Variants in ARMH3 observed in about 807,000 individuals in gnomAD.
ARMH3 encodes armadillo like helical domain containing 3.
In ARMH3, 60 loss-of-function variants were observed where a neutral mutation model predicts 99.1. The observed-to-expected ratio is 0.61, with a 90% confidence interval of 0.49 to 0.75. The LOEUF is 0.75. Among genes scored for constraint, ARMH3 ranks in the 30% least tolerant of loss-of-function variants. The pLI, the probability that ARMH3 is intolerant of heterozygous loss-of-function variation, is 0.00. For synonymous variants in ARMH3, 285 were observed against 292.8 expected (o/e 0.97, Z 0.27); for missense variants, 679 against 843.1 (o/e 0.81, Z 2.41).
chr10:101,876,339 G>A (rs1042548475), intron 24 of ARMH3, among the ~76,000 whole-genome samples: 2 of 150,000 alleles, frequency 1.3e-5, no homozygotes, highest in African/African-American at 4.9e-5. Context: ...TGACATCTCT[G>A]TCCTCCCCAC....
chr10:101,971,579 A>G (rs912660744), intron 20 of ARMH3, among the ~76,000 whole-genome samples: 4 of 152,146 alleles, frequency 2.6e-5, no homozygotes, highest in African/African-American at 9.7e-5. Flanking sequence ...AAAATAAAAT[A>G]ATTTACCTAG....
intron 24 of ARMH3, among the ~76,000 whole-genome samples, chr10:101,878,703 T>C (rs1051504423): frequency 4.6e-5 from 7 of 151,838 alleles, no homozygotes; most frequent in African/African-American, 1.7e-4. Context: ...GGCTCATGCC[T>C]GTAATTCCAG....
At chr10:101,967,435 G>A (rs1224952892) in intron 20 of ARMH3, among the ~76,000 whole-genome samples, 3 of 152,144 alleles carry the variant, frequency 2.0e-5, no homozygotes, top group Non-Finnish European at 4.4e-5. Flanking sequence ...ACACCTGCCA[G>A]TAGAATAATT....
At chr10:101,975,081 AAG>A (rs1269689016) in intron 20 of ARMH3, 129 bp downstream of exon 20, 1 of 393,124 alleles carries the variant, frequency 2.5e-6, no homozygotes, top group Non-Finnish European at 4.5e-6. Context: ...AAAAGACAAA[AAG>A]AGTAACTGAA....
At chr10:101,874,623 T>C (rs1412945253) in intron 24 of ARMH3, among the ~76,000 whole-genome samples, 1 of 152,124 alleles carries the variant, frequency 6.6e-6, no homozygotes, top group Non-Finnish European at 1.5e-5. Flanking sequence ...ATAAGCTCAA[T>C]CATTTGCTAA....
At chr10:102,010,762 T>C (rs1028685259) in intron 11 of ARMH3, among the ~76,000 whole-genome samples, 1 of 152,208 alleles carries the variant, frequency 6.6e-6, no homozygotes, top group Non-Finnish European at 1.5e-5. Flanking sequence ...CAGAGATATC[T>C]GGGAGCAGTA....
intron 24 of ARMH3, among the ~76,000 whole-genome samples, chr10:101,859,913 CAA>C (rs1319256440): frequency 6.6e-6 from 1 of 152,056 alleles, no homozygotes; most frequent in Non-Finnish European, 1.5e-5. Flanking sequence ...TGGAGGGTCT[CAA>C]AGAGACACAG....
chr10:102,000,989 G>A (rs1430409319), intron 15 of ARMH3, among the ~76,000 whole-genome samples: 3 of 151,836 alleles, frequency 2.0e-5, no homozygotes, highest in African/African-American at 7.3e-5. Flanking sequence ...GCTAATTTTT[G>A]TATTTTTAGT....
At chr10:102,032,577 T>G (rs2067156672) in intron 4 of ARMH3, among the ~76,000 whole-genome samples, 2 of 152,114 alleles carry the variant, frequency 1.3e-5, no homozygotes, top group Non-Finnish European at 2.9e-5. Context: ...ATTTTTGTAT[T>G]TTTAGTAGAG....
intron 4 of ARMH3, 146 bp downstream of exon 4, chr10:102,032,880 A>G (rs2067164585): frequency 2.4e-6 from 2 of 841,808 alleles, no homozygotes; most frequent in South Asian, 4.0e-5. Context: ...TGGCTAAACA[A>G]ACGTGGCATA....
At chr10:101,937,468 G>A (rs1048926292) in intron 23 of ARMH3, among the ~76,000 whole-genome samples, 1 of 149,502 alleles carries the variant, frequency 6.7e-6, no homozygotes, top group Non-Finnish European at 1.5e-5. Flanking sequence ...GCAGTGAGCA[G>A]AAATCGCGCC....
intron 23 of ARMH3, among the ~76,000 whole-genome samples, chr10:101,939,448 T>C (rs1308634465): frequency 2.0e-5 from 3 of 152,150 alleles, no homozygotes; most frequent in East Asian, 1.9e-4. Flanking sequence ...TGGACTCCAA[T>C]TGCCTCTGTT....
chr10:102,044,155 G>A (rs1341954263), intron 1 of ARMH3, among the ~76,000 whole-genome samples: 1 of 147,296 alleles, frequency 6.8e-6, no homozygotes, highest in Admixed American at 6.9e-5. Context: ...GTGCAGCAGC[G>A]CCATCTCAGC....
In ARMH3 at chr10:101,956,721, A is replaced by G; in HGVS notation, c.1581T>C (p.Ile527=). The G allele has an allele frequency of 1.2e-6, 2 of 1,612,906 alleles. No individual in the cohort carries two copies. Among genetic ancestry groups the G allele is most frequent in the Non-Finnish European group, 1.7e-6 (2 of 1,179,120 alleles). The change falls in exon 22 of 26, where the codon ATT becomes ATC. Residue 527 remains isoleucine (I), a splice_region_variant and synonymous_variant. Transcript: ENST00000370033. ...KHNIFTLALM[I]VNLFNMFITY... ...TGATAAACATATTAAATAGGTTCAC[A>G]ATCTAAAAAAGAAGGAAAGGCCCAT...
At chr10:101,926,385 G>A (rs1054355753) in intron 23 of ARMH3, among the ~76,000 whole-genome samples, 11 of 151,840 alleles carry the variant, frequency 7.2e-5, no homozygotes, top group African/African-American at 2.2e-4. Context: ...TGTTGTCCAG[G>A]CTAAACTAGT....
chr10:101,882,702 G>A (rs1406253496), intron 24 of ARMH3, among the ~76,000 whole-genome samples: 1 of 152,166 alleles, frequency 6.6e-6, no homozygotes, highest in African/African-American at 2.4e-5. Context: ...GTTTCAACAT[G>A]TTGGCCAGCT....
chr10:101,862,048 CAAAAAA>C (rs34359012), intron 24 of ARMH3, among the ~76,000 whole-genome samples: 2 of 36,338 alleles, frequency 5.5e-5, no homozygotes, highest in Non-Finnish European at 9.2e-5. Context: ...GATTCCCTCT[CAAAAAA>C]AAAAAAAAAA....
intron 20 of ARMH3, among the ~76,000 whole-genome samples, chr10:101,971,347 G>A (rs1845765326): frequency 1.3e-5 from 2 of 152,058 alleles, no homozygotes; most frequent in African/African-American, 2.4e-5. Context: ...GGGAGACAGA[G>A]GAGGGCAGAT....
intron 1 of ARMH3, among the ~76,000 whole-genome samples, chr10:102,045,861 G>A (rs1473773311): frequency 6.6e-6 from 1 of 152,112 alleles, no homozygotes; most frequent in African/African-American, 2.4e-5. Flanking sequence ...TTGGGAGGCC[G>A]AGGTAGGTGG....
Sources: gnomAD v4.1 joint callset for allele counts (sites outside exome capture counted in the v4.1 genomes callset) on GRCh38, gnomAD v4.1.1 for gene constraint, MANE v1.5 for transcripts, NCBI Gene and HGNC (gene_info 2026-07-23, HGNC 2026-07-21) for gene names.